NPAS3: variants seen among roughly 807,000 people sequenced by gnomAD.
The protein encoded by NPAS3 is neuronal PAS domain protein 3, also known as neuronal PAS domain-containing protein 3.
Under a neutral mutation model 73.1 loss-of-function variants are expected in NPAS3, and 14 were observed. That is an observed-to-expected ratio of 0.19 (90% CI 0.13 to 0.30). The LOEUF (loss-of-function observed/expected upper bound fraction) is 0.30, where lower values mean the gene tolerates loss of function less well. NPAS3 is among the 10% of genes least tolerant of loss of function. NPAS3 has a pLI of 1.00. For missense variants in NPAS3, 1,096 were observed against 1,250.0 expected (o/e 0.88, Z 1.86); for synonymous variants, 620 against 541.5 (o/e 1.14, Z -2.01).
At chr14:33,559,909 C>G (rs2139750393) in intron 4 of NPAS3, among the ~76,000 whole-genome samples, 1 of 151,802 alleles carries the variant, frequency 6.6e-6, no homozygotes, top group South Asian at 2.1e-4. Context: ...GTCCCAGCTA[C>G]TCGGGAGGCT....
intron 1 of NPAS3, among the ~76,000 whole-genome samples, chr14:33,022,028 G>A (rs905728073): frequency 6.6e-6 from 1 of 152,164 alleles, no homozygotes; most frequent in Non-Finnish European, 1.5e-5. Flanking sequence ...ATTCCAACCT[G>A]CATCTGTCAG....
intron 2 of NPAS3, among the ~76,000 whole-genome samples, chr14:33,145,246 T>C (rs1388854132): frequency 6.6e-6 from 1 of 152,182 alleles, no homozygotes; most frequent in Non-Finnish European, 1.5e-5. Flanking sequence ...TTTTGGCATT[T>C]AGGAATGTCT....
intron 5 of NPAS3, among the ~76,000 whole-genome samples, chr14:33,673,387 A>C (rs2059666202): frequency 1.3e-5 from 2 of 152,230 alleles, no homozygotes; most frequent in Non-Finnish European, 2.9e-5. Flanking sequence ...AAGCACAAAA[A>C]TTAGTACTTT....
chr14:33,553,761 G>T (rs1430666319), intron 4 of NPAS3, among the ~76,000 whole-genome samples: 1 of 152,104 alleles, frequency 6.6e-6, no homozygotes, highest in Non-Finnish European at 1.5e-5. Context: ...TGAAAATAAG[G>T]CTTTTGTTTC....
At chr14:33,032,602 G>T (rs1466665223) in intron 1 of NPAS3, among the ~76,000 whole-genome samples, 2 of 152,188 alleles carry the variant, frequency 1.3e-5, no homozygotes, top group Non-Finnish European at 2.9e-5. Context: ...GAGATGGTAT[G>T]TAAGTACACC....
intron 4 of NPAS3, among the ~76,000 whole-genome samples, chr14:33,481,600 GTTAT>G (rs996054244): frequency 3.9e-5 from 6 of 152,028 alleles, no homozygotes; most frequent in Non-Finnish European, 5.9e-5. Context: ...ATACAATTCT[GTTAT>G]TTATTTATTT....
chr14:33,661,994 G>T (rs1422640569), intron 5 of NPAS3, among the ~76,000 whole-genome samples: 7 of 152,224 alleles, frequency 4.6e-5, no homozygotes, highest in Admixed American at 4.6e-4. Context: ...CACATGTAAA[G>T]CTTGTCAAAA....
intron 3 of NPAS3, among the ~76,000 whole-genome samples, chr14:33,237,376 T>C (rs766488621): frequency 1.1e-4 from 17 of 152,224 alleles, no homozygotes; most frequent in Non-Finnish European, 2.4e-4. Flanking sequence ...ATCACCTAAG[T>C]ACCAGCAACA....
intron 9 of NPAS3, among the ~76,000 whole-genome samples, chr14:33,783,325 G>T (rs1460024734): frequency 1.3e-5 from 2 of 152,164 alleles, no homozygotes; most frequent in South Asian, 2.1e-4. Context: ...TTCTTCAGGG[G>T]TGGGTCTTCA....
intron 5 of NPAS3, among the ~76,000 whole-genome samples, chr14:33,625,469 G>A (rs1444471610): frequency 6.6e-6 from 1 of 152,142 alleles, no homozygotes; most frequent in Non-Finnish European, 1.5e-5. Flanking sequence ...GAGAGTTCAG[G>A]CTGATTAAAG....
intron 9 of NPAS3, among the ~76,000 whole-genome samples, chr14:33,791,783 T>C: frequency 6.6e-6 from 1 of 152,252 alleles, no homozygotes; most frequent in East Asian, 1.9e-4. Context: ...GGTCAAATTC[T>C]AGTCTAGAAC....
At chr14:33,062,046 G>C (rs2041121344) in intron 2 of NPAS3, among the ~76,000 whole-genome samples, 1 of 147,062 alleles carries the variant, frequency 6.8e-6, no homozygotes, top group Admixed American at 6.6e-5. Flanking sequence ...AGGAGGTGAG[G>C]CTGGAGAGGA....
chr14:33,312,660 A>G (rs928983707), intron 3 of NPAS3, among the ~76,000 whole-genome samples: 3 of 152,028 alleles, frequency 2.0e-5, no homozygotes, highest in African/African-American at 7.2e-5. Context: ...GTTGACAGGT[A>G]TATTTTCCTT....
intron 7 of NPAS3, among the ~76,000 whole-genome samples, chr14:33,746,622 T>G (rs2061807771): frequency 6.6e-6 from 1 of 152,000 alleles, no homozygotes; most frequent in Non-Finnish European, 1.5e-5. Context: ...AAAATATGGT[T>G]GCACACAGCA....
rs71419934 is a variant in NPAS3 at position 32,981,754 on chromosome 14, C to T, written c.50+42388C>T. ...TGCTTCATCTTGGGGTGGTGTGGAG[C>T]GGGGGGTGAGAGGAACTCCAACAGC... On this transcript the variant is annotated intron_variant, in intron 1 of 11. Transcript: ENST00000356141. Among the ~76,000 whole-genome samples the T allele has an allele frequency of 7.2e-5, 11 of 152,122 alleles. No individual in the cohort carries two copies. In the South Asian group the frequency reaches 1.0e-3, roughly 14 times the overall value.
intron 1 of NPAS3, among the ~76,000 whole-genome samples, chr14:33,010,518 G>T (rs1009419641): frequency 2.0e-5 from 3 of 152,130 alleles, no homozygotes; most frequent in East Asian, 1.9e-4. Context: ...TAAGCAAAAT[G>T]ATATATAATG....
At chr14:33,778,068 G>A (rs1165096625) in intron 8 of NPAS3, among the ~76,000 whole-genome samples, 1 of 152,166 alleles carries the variant, frequency 6.6e-6, no homozygotes, top group Non-Finnish European at 1.5e-5. Context: ...TAAATGAAAG[G>A]TGTCTCTAAT....
intron 3 of NPAS3, among the ~76,000 whole-genome samples, chr14:33,265,883 G>A (rs889113551): frequency 4.6e-5 from 7 of 151,556 alleles, no homozygotes; most frequent in African/African-American, 4.8e-5. Context: ...TTTATTAGTG[G>A]CACTTTAAAG....
At chr14:33,347,895 A>G (rs375672662) in intron 3 of NPAS3, among the ~76,000 whole-genome samples, 2 of 151,876 alleles carry the variant, frequency 1.3e-5, no homozygotes, top group Non-Finnish European at 1.5e-5. Context: ...AAATATTTTC[A>G]ATCTGTGGTT....
Sources: gnomAD v4.1 joint callset for allele counts (sites outside exome capture counted in the v4.1 genomes callset) on GRCh38, gnomAD v4.1.1 for gene constraint, MANE v1.5 for transcripts, NCBI Gene and HGNC (gene_info 2026-07-23, HGNC 2026-07-21) for gene names.